The following EDNRA variants were observed in gnomAD, a reference collection of about 807,000 sequenced individuals.
EDNRA encodes endothelin receptor type A.
A neutral mutation model predicts 41.4 loss-of-function variants in EDNRA; 11 were observed. That is an observed-to-expected ratio of 0.27 (90% CI 0.17 to 0.44). EDNRA has a LOEUF of 0.44. Among genes scored for constraint, EDNRA ranks in the 20% least tolerant of loss-of-function variants. The probability of loss-of-function intolerance (pLI) is 1.00; values close to 1 mark genes in which losing one functional copy is unlikely to be tolerated. For missense variants in EDNRA, 294 were observed against 531.0 expected (o/e 0.55, Z 4.39); for synonymous variants, 172 against 183.0 (o/e 0.94, Z 0.49).
chr4:147,516,488 T>C (rs1040500334), intron 2 of EDNRA, among the ~76,000 whole-genome samples: 3 of 152,224 alleles, frequency 2.0e-5, no homozygotes, highest in Admixed American at 1.3e-4. Context: ...TTTCAAACTA[T>C]GAAAATATGA....
chr4:147,490,926 T>C (rs1346117478), intron 2 of EDNRA: 1 of 152,230 alleles, frequency 6.6e-6, no homozygotes. Context: ...GATGTATGTA[T>C]GAGAGAGATG....
At chr4:147,491,339 G>A (rs566655885) in intron 2 of EDNRA, 1 of 152,262 alleles carries the variant, frequency 6.6e-6, no homozygotes, top group Non-Finnish European at 1.5e-5. Context: ...GTGCAACTGG[G>A]ATCCATCCTT....
At chr4:147,503,884 A>G (rs183017642) in intron 2 of EDNRA, among the ~76,000 whole-genome samples, 4 of 152,230 alleles carry the variant, frequency 2.6e-5, no homozygotes, top group Middle Eastern at 3.4e-3. Flanking sequence ...TATAAAAAAT[A>G]TTTATTAATT....
In EDNRA at chr4:147,540,562, A is replaced by G. The variant is rs973519359; in HGVS notation, c.1143+77A>G. On this transcript the variant is annotated intron_variant, in intron 7 of 7. Coordinates refer to ENST00000651419, the MANE Select transcript of EDNRA (RefSeq NM_001957.4). ...ACAGTCAACAGACACAGCCAATTCC[A>G]GTTGTAATATTACTTTGATCAGCTA... The G allele has an allele frequency of 8.3e-6, 8 of 963,554 alleles. No individual in the cohort carries two copies. The African/African-American group carries it at 1.2e-4, about 14-fold the overall frequency. 59.7% of individuals were successfully genotyped at this position (963,554 alleles called of 1,614,324 possible). A position where few individuals can be genotyped will look rare whatever the true frequency, so the allele number is the denominator to read the frequency against.
intron 7 of EDNRA, among the ~76,000 whole-genome samples, chr4:147,541,083 A>G (rs964647025): frequency 4.1e-5 from 6 of 145,330 alleles, no homozygotes; most frequent in African/African-American, 1.0e-4. Context: ...AAAAAAAAAA[A>G]AAAAAAAAAA....
chr4:147,537,669 GCATTTC>G (rs2126483427), intron 5 of EDNRA, among the ~76,000 whole-genome samples: 1 of 152,212 alleles, frequency 6.6e-6, no homozygotes, highest in Non-Finnish European at 1.5e-5. Context: ...TTTTTAAAGT[GCATTTC>G]CATTTCCATG....
At chr4:147,528,267 CTTG>C (rs1385305551) in intron 3 of EDNRA, among the ~76,000 whole-genome samples, 4 of 151,898 alleles carry the variant, frequency 2.6e-5, no homozygotes, top group African/African-American at 2.4e-5. Flanking sequence ...TTATTTGGCA[CTTG>C]TTGTTCTAGG....
In EDNRA at chr4:147,526,669, G is replaced by T. The variant is rs532932144; in HGVS notation, c.549-5837G>T. Among the ~76,000 whole-genome samples the T allele has an allele frequency of 1.6e-4, 25 of 152,342 alleles. No homozygotes were observed. In the East Asian group the frequency reaches 4.2e-3, roughly 26 times the overall value. On this transcript the variant is annotated intron_variant, in intron 3 of 7. Transcript: ENST00000651419. ...ACCACACCTGATTCTCTTCTAAATT[G>T]GAATTGGCCAAGCAGTTGCAGTGGC...
intron 7 of EDNRA, among the ~76,000 whole-genome samples, chr4:147,542,060 A>G (rs1324758929): frequency 1.3e-5 from 2 of 152,166 alleles, no homozygotes; most frequent in African/African-American, 4.8e-5. Flanking sequence ...ATGGGGGAAT[A>G]GCATAAAATG....
rs114053221 is a variant in EDNRA at position 147,523,388 on chromosome 4, C to T, written c.548+3410C>T. Among the ~76,000 whole-genome samples, 432 of 151,926 alleles carry T rather than the reference C, an allele frequency of 2.8e-3. 5 individuals are homozygous for T. The highest frequency in any genetic ancestry group is 0.01 in the African/African-American group (421 of 41,412). ...TTCTTTCAGGGCCTTCTCTCTGTCA[C>T]GTGATGCTATACTAGAGTGTGCTTG... On this transcript the variant is annotated intron_variant, in intron 3 of 7. Coordinates refer to ENST00000651419, the MANE Select transcript of EDNRA (RefSeq NM_001957.4).
chr4:147,502,732 C>T (rs181744584), intron 2 of EDNRA, among the ~76,000 whole-genome samples: 25 of 152,238 alleles, frequency 1.6e-4, no homozygotes, highest in East Asian at 7.7e-4. Flanking sequence ...CTGAGACAGA[C>T]GTTCTGAATG....
At chr4:147,514,282 T>A (rs951906090) in intron 2 of EDNRA, among the ~76,000 whole-genome samples, 1 of 152,060 alleles carries the variant, frequency 6.6e-6, no homozygotes, top group African/African-American at 2.4e-5. Flanking sequence ...TCTTATAGGT[T>A]CACAACCCAT....
At position 147,526,998 on chromosome 4, in the gene EDNRA, G is replaced by T. The variant is rs552973891; in HGVS notation, c.549-5508G>T. On this transcript the variant is annotated intron_variant, in intron 3 of 7. Coordinates refer to ENST00000651419, the MANE Select transcript of EDNRA (RefSeq NM_001957.4). ...CATTTAGCTTCCAAACCTCCATATG[G>T]TATGAGAGATATAAATCATTAACAA... is the stretch of plus-strand genomic sequence containing the variant. Among the ~76,000 whole-genome samples, 7 of 152,250 alleles carry T rather than the reference G, an allele frequency of 4.6e-5. No individual in the cohort carries two copies. The East Asian group carries it at 1.3e-3, about 29-fold the overall frequency.
chr4:147,527,550 A>AG (rs1377778947), intron 3 of EDNRA, among the ~76,000 whole-genome samples: 2 of 152,194 alleles, frequency 1.3e-5, no homozygotes, highest in African/African-American at 4.8e-5. Flanking sequence ...ATTTTGTTGA[A>AG]GTGGTATCTT....
At chr4:147,505,528 G>A (rs1263869990) in intron 2 of EDNRA, among the ~76,000 whole-genome samples, 3 of 150,622 alleles carry the variant, frequency 2.0e-5, no homozygotes. Flanking sequence ...TTTTAGTAGA[G>A]ACGGGGTTTC....
intron 1 of EDNRA, among the ~76,000 whole-genome samples, chr4:147,483,137 C>T (rs1728829401): frequency 1.3e-5 from 2 of 152,172 alleles, no homozygotes; most frequent in Admixed American, 1.3e-4. Flanking sequence ...GGTGTCATTT[C>T]ATAGGTCTAT....
rs1306338173 is a variant in EDNRA at position 147,497,720 on chromosome 4, C to T, written c.420+11619C>T. On this transcript the variant is annotated intron_variant, in intron 2 of 7. Coordinates refer to ENST00000651419, the MANE Select transcript of EDNRA (RefSeq NM_001957.4). Reference sequence around the variant, plus strand: ...CCGAGTAGCTGGGACTACAGGTGCCCGCCACCAAGCCTGGCTAATTTATTT... The same window carrying T: ...CCGAGTAGCTGGGACTACAGGTGCCTGCCACCAAGCCTGGCTAATTTATTT... Among the ~76,000 whole-genome samples, 5 of 151,854 alleles carry T rather than the reference C, an allele frequency of 3.3e-5. No individual in the cohort carries two copies. In the South Asian group the frequency reaches 6.2e-4, roughly 19 times the overall value.
intron 2 of EDNRA, among the ~76,000 whole-genome samples, chr4:147,508,244 T>C (rs2126425833): frequency 6.6e-6 from 1 of 152,316 alleles, no homozygotes; most frequent in East Asian, 1.9e-4. Context: ...GTTCAAGCGA[T>C]TCTCATGCCT....
Position 147,539,817 on chromosome 4 carries a change from C to T in EDNRA, c.901C>T (p.Arg301Cys). 3 of 1,604,876 alleles carry T rather than the reference C, an allele frequency of 1.9e-6. No individual in the cohort carries two copies. Among genetic ancestry groups the T allele is most frequent in the Non-Finnish European group, 2.5e-6 (3 of 1,178,014 alleles). Residue 301 changes from arginine (R) to cysteine (C), a missense_variant and splice_region_variant, in exon 6 of 8, where the codon CGT becomes TGT. Around this residue, in one of 3 missense-constraint regions of EDNRA, gnomAD observed 185 missense variants for 390.8 expected, o/e 0.47. Coordinates refer to ENST00000651419, the MANE Select transcript of EDNRA (RefSeq NM_001957.4). ...CTATTTTTTTCTCACTTTCCTTTAGCGTCGAGAAGTGGCAAAAACAGTTTT... is the reference window on the plus strand; with the variant it reads ...CTATTTTTTTCTCACTTTCCTTTAGTGTCGAGAAGTGGCAAAAACAGTTTT... ...RIALSEHLKQ[R>C]REVAKTVFCL...
Sources: gnomAD v4.1 joint callset for allele counts (sites outside exome capture counted in the v4.1 genomes callset) on GRCh38, gnomAD v4.1.1 for gene constraint, gnomAD v4.1.1 regional missense constraint, MANE v1.5 for transcripts, NCBI Gene and HGNC (gene_info 2026-07-23, HGNC 2026-07-21) for gene names.